RPGR: variants seen among roughly 807,000 people sequenced by gnomAD.
RPGR encodes retinitis pigmentosa GTPase regulator.
RPGR carries 10 observed loss-of-function variants against 56.3 expected under a neutral mutation model. The observed-to-expected ratio is 0.18, with a 90% CI of 0.11 to 0.30. The LOEUF is 0.30. RPGR is among the 10% of genes least tolerant of loss of function. RPGR has a pLI of 1.00. For missense variants in RPGR, 538 were observed against 590.9 expected (o/e 0.91, Z 0.93); for synonymous variants, 197 against 212.9 (o/e 0.93, Z 0.65).
chrX:38,294,305 C>A (rs1335633316), intron 11 of RPGR, among the ~76,000 whole-genome samples: 1 of 111,425 alleles, frequency 9.0e-6, no homozygotes, highest in Non-Finnish European at 1.9e-5. Context: ...GTTAGATGTT[C>A]TTAGGGATAC....
chrX:38,296,530 T>C (rs749118378), intron 11 of RPGR, among the ~76,000 whole-genome samples: 90 of 111,239 alleles, frequency 8.1e-4, no homozygotes, highest in Non-Finnish European at 1.3e-3. Context: ...GGATTACAAA[T>C]TAAAACATGA....
chrX:38,321,365 T>A (rs746151065), intron 3 of RPGR, among the ~76,000 whole-genome samples: 1 of 111,421 alleles, frequency 9.0e-6, no homozygotes, highest in African/African-American at 3.3e-5. Flanking sequence ...TATATATAAT[T>A]ATAAACTCCA....
chrX:38,279,354 T>G (rs747734051), intron 15 of RPGR: 7 of 231,890 alleles, frequency 3.0e-5, no homozygotes, highest in Non-Finnish European at 5.6e-5. Context: ...GGGCCTGACC[T>G]CTCACAAAAG....
intron 3 of RPGR, 104 bp from the exon 4 acceptor site, chrX:38,321,193 T>A: frequency 3.2e-6 from 2 of 620,732 alleles, no homozygotes; most frequent in Non-Finnish European, 2.7e-6. Flanking sequence ...AATAGCGGGC[T>A]TGTCTGATTC....
intron 15 of RPGR, among the ~76,000 whole-genome samples, chrX:38,278,363 C>G (rs753560319): frequency 8.9e-6 from 1 of 112,118 alleles, no homozygotes; most frequent in East Asian, 2.8e-4. Context: ...GCCTCAGCCT[C>G]CCGAGTAGCT....
intron 14 of RPGR, 84 bp from the exon 15 acceptor site, chrX:38,287,329 A>G (rs1361405976): frequency 3.4e-6 from 4 of 1,178,488 alleles, no homozygotes; most frequent in East Asian, 3.0e-5. Context: ...TCCTTGTTCA[A>G]TCAATTTCCT....
At chrX:38,317,741 T>G in intron 5 of RPGR, 1 of 259,519 alleles carries the variant, frequency 3.9e-6, no homozygotes, top group East Asian at 7.9e-5. Context: ...AGAATGCCCT[T>G]TCCTACAATC....
chrX:38,272,331 C>A (rs1434007951), intron 18 of RPGR: 8 of 106,013 alleles, frequency 7.5e-5, no homozygotes, highest in Non-Finnish European at 1.2e-4. Flanking sequence ...TGGTGGCTCA[C>A]GCCTGTAATC....
intron 8 of RPGR, among the ~76,000 whole-genome samples, chrX:38,301,959 T>C (rs1437975618): frequency 9.0e-6 from 1 of 110,542 alleles, no homozygotes; most frequent in African/African-American, 3.3e-5. Context: ...ACTTGGGGAG[T>C]GGGGGATGCA....
intron 16 of RPGR, among the ~76,000 whole-genome samples, chrX:38,275,965 G>A (rs942186174): frequency 8.9e-6 from 1 of 112,011 alleles, no homozygotes; most frequent in African/African-American, 3.2e-5. Context: ...GCAAACAAAT[G>A]ATTTCAAACC....
In RPGR at chrX:38,269,629, T is replaced by C. The variant is rs771798016; in HGVS notation, c.2445A>G (p.Leu815=). Residue 815 remains leucine, a synonymous_variant, in exon 19 of 19, where the codon CTA becomes CTG. Transcript: ENST00000642395. Reference sequence around the variant, plus strand: ...CTGTGAAAACATAAATATATATTTATAGTATTGTACAGGATTTTGATCTTC... The same window carrying C: ...CTGTGAAAACATAAATATATATTTACAGTATTGTACAGGATTTTGATCTTC... 2.6e-5 allele frequency: 30 copies of C among 1,150,381 alleles called. No homozygotes were observed. Among genetic ancestry groups the C allele is most frequent in the Non-Finnish European group, 2.4e-6 (2 of 841,492 alleles). The allele number at this position is 1,150,381 out of a possible 1,213,427, so 94.8% of individuals were successfully genotyped here.
intron 11 of RPGR, among the ~76,000 whole-genome samples, chrX:38,293,873 C>A (rs2067333099): frequency 9.0e-6 from 1 of 111,576 alleles, no homozygotes; most frequent in Non-Finnish European, 1.9e-5. Context: ...CTCTTCTGTG[C>A]TCTCTCTCCA....
intron 3 of RPGR, among the ~76,000 whole-genome samples, 200 bp from the exon 4 acceptor site, chrX:38,321,289 T>C (rs1007201435): frequency 6.3e-5 from 7 of 111,424 alleles, no homozygotes; most frequent in African/African-American, 2.3e-4. Flanking sequence ...GAATACAATA[T>C]AGATATCTTA....
At chrX:38,310,148 T>C (rs2067684994) in intron 7 of RPGR, among the ~76,000 whole-genome samples, 1 of 110,099 alleles carries the variant, frequency 9.1e-6, no homozygotes, top group Non-Finnish European at 1.9e-5. Context: ...AAAGATGGGG[T>C]TTCGTCATGT....
At chrX:38,327,281 C>G in intron 1 of RPGR, 59 bp downstream of exon 1, 1 of 1,122,400 alleles carries the variant, frequency 8.9e-7, no homozygotes. Flanking sequence ...GGAGGCGGGG[C>G]CCGGCCGCCC....
chrX:38,297,408 T>C lies in RPGR; in HGVS notation c.1290A>G (p.Pro430=), dbSNP rs928139290. ...CAGAAAGGCCAAGAGTCCCTTCTAT[T>C]GGAGGTAGTGTTCTCCTCATTGAAA... Residue 430 remains proline (P), a synonymous_variant, in exon 11 of 19, where the codon CCA becomes CCG. Transcript: ENST00000642395. 1 of 1,209,577 alleles carries C rather than the reference T, an allele frequency of 8.3e-7. No homozygotes were observed. The highest frequency in any genetic ancestry group is 1.1e-6 in the Non-Finnish European group (1 of 894,254).
intron 16 of RPGR, chrX:38,275,238 G>A (rs776173557): frequency 1.9e-5 from 13 of 689,087 alleles, no homozygotes; most frequent in Non-Finnish European, 3.0e-5. Flanking sequence ...TCTAGAGTCT[G>A]CCTCTAGCTA....
chrX:38,289,239 T>G (rs1371727885), intron 13 of RPGR, among the ~76,000 whole-genome samples: 6 of 112,383 alleles, frequency 5.3e-5, no homozygotes, highest in Non-Finnish European at 7.5e-5. Context: ...AATATATTTT[T>G]CTTTTCTAAA....
chrX:38,319,603 T>G (rs1020574892), intron 4 of RPGR, among the ~76,000 whole-genome samples: 1 of 112,174 alleles, frequency 8.9e-6, no homozygotes, highest in Non-Finnish European at 1.9e-5. Context: ...TGTGCCTCAT[T>G]TTCCTCATCT....
Sources: gnomAD v4.1 joint callset for allele counts (sites outside exome capture counted in the v4.1 genomes callset) on GRCh38, gnomAD v4.1.1 for gene constraint, MANE v1.5 for transcripts, NCBI Gene and HGNC (gene_info 2026-07-23, HGNC 2026-07-21) for gene names.